Variants in NELL1 observed in about 807,000 individuals in gnomAD.
NELL1 encodes the protein protein kinase C-binding protein NELL1.
A neutral mutation model predicts 107.4 loss-of-function variants in NELL1; 76 were observed. That is an observed-to-expected ratio of 0.71 (90% CI 0.59 to 0.86). NELL1 has a LOEUF of 0.86. NELL1 is among the 40% of genes least tolerant of loss of function. The probability of loss-of-function intolerance (pLI) is 0.00; values close to 1 mark genes in which losing one functional copy is unlikely to be tolerated. For missense variants in NELL1, 1,024 were observed against 1,005.5 expected (o/e 1.02, Z -0.25); for synonymous variants, 353 against 341.2 (o/e 1.03, Z -0.38).
chr11:20,781,414 T>C (rs1186350382), intron 2 of NELL1, among the ~76,000 whole-genome samples: 1 of 152,128 alleles, frequency 6.6e-6, no homozygotes, highest in Non-Finnish European at 1.5e-5. Flanking sequence ...AGGTTAGGGC[T>C]GCAGATATAA....
At chr11:20,906,184 A>G (rs898485726) in intron 5 of NELL1, among the ~76,000 whole-genome samples, 2 of 152,166 alleles carry the variant, frequency 1.3e-5, no homozygotes, top group African/African-American at 4.8e-5. Context: ...AAAGGATTAA[A>G]ATAGAAGACT....
At chr11:20,862,293 T>G (rs1161853780) in intron 4 of NELL1, among the ~76,000 whole-genome samples, 2 of 152,030 alleles carry the variant, frequency 1.3e-5, no homozygotes, top group African/African-American at 4.8e-5. Flanking sequence ...AGAGTCATTT[T>G]TTTTTAAGCA....
chr11:20,883,308 C>T (rs983811018), intron 4 of NELL1, among the ~76,000 whole-genome samples: 6 of 152,262 alleles, frequency 3.9e-5, no homozygotes, highest in South Asian at 2.1e-4. Context: ...CTAAGGCACA[C>T]GGAGCTATTA....
intron 12 of NELL1, among the ~76,000 whole-genome samples, chr11:20,975,050 C>A (rs369014675): frequency 2.6e-5 from 4 of 152,116 alleles, no homozygotes; most frequent in Non-Finnish European, 5.9e-5. Flanking sequence ...TGCTCTGTCA[C>A]TCATGCTGGA....
intron 15 of NELL1, among the ~76,000 whole-genome samples, chr11:21,446,033 A>AT (rs910589515): frequency 3.3e-5 from 5 of 150,268 alleles, no homozygotes; most frequent in African/African-American, 1.2e-4. Context: ...TTTCTTTTTA[A>AT]TTTTTTTTCT....
intron 12 of NELL1, among the ~76,000 whole-genome samples, chr11:20,992,698 G>A (rs1272780885): frequency 1.4e-5 from 2 of 147,178 alleles, no homozygotes; most frequent in African/African-American, 2.5e-5. Flanking sequence ...ACTTCCCTAG[G>A]CAAAAGTGGC....
intron 15 of NELL1, among the ~76,000 whole-genome samples, chr11:21,496,487 G>A (rs2133924640): frequency 6.9e-6 from 1 of 144,218 alleles, no homozygotes; most frequent in Non-Finnish European, 1.5e-5. Flanking sequence ...TCAGCTCATT[G>A]CAACCTTCGC....
At chr11:21,020,518 T>A (rs1316068359) in intron 12 of NELL1, among the ~76,000 whole-genome samples, 1 of 152,108 alleles carries the variant, frequency 6.6e-6, no homozygotes, top group Non-Finnish European at 1.5e-5. Flanking sequence ...TTTTCTTTTT[T>A]TGGAAGGTTA....
intron 14 of NELL1, among the ~76,000 whole-genome samples, chr11:21,274,164 C>T (rs187356826): frequency 9.9e-4 from 150 of 152,214 alleles, no homozygotes; most frequent in African/African-American, 2.6e-3. Context: ...ACCCATCTCA[C>T]GTGCAGAGAC....
intron 12 of NELL1, among the ~76,000 whole-genome samples, chr11:21,024,558 C>T (rs1296237454): frequency 1.3e-5 from 2 of 152,088 alleles, no homozygotes; most frequent in African/African-American, 4.8e-5. Flanking sequence ...TGAGGAGTAA[C>T]TGGATATAAA....
intron 15 of NELL1, among the ~76,000 whole-genome samples, chr11:21,493,948 A>T (rs1854905189): frequency 6.6e-6 from 1 of 151,950 alleles, no homozygotes; most frequent in African/African-American, 2.4e-5. Flanking sequence ...TTCCCTTATT[A>T]ATAGGCATTC....
chr11:21,434,330 C>T (rs560808884), intron 15 of NELL1, among the ~76,000 whole-genome samples: 35 of 152,214 alleles, frequency 2.3e-4, no homozygotes, highest in African/African-American at 8.2e-4. Context: ...TCAGGTTTTA[C>T]ATTTAAGTCT....
chr11:20,970,555 A>G (rs1851478156), intron 12 of NELL1, among the ~76,000 whole-genome samples: 1 of 152,198 alleles, frequency 6.6e-6, no homozygotes, highest in Non-Finnish European at 1.5e-5. Context: ...TGCCAATAGG[A>G]GTCAGCACAG....
intron 12 of NELL1, among the ~76,000 whole-genome samples, chr11:21,024,821 T>G (rs1441016273): frequency 6.6e-6 from 1 of 152,166 alleles, no homozygotes; most frequent in Non-Finnish European, 1.5e-5. Context: ...ATGTACATTA[T>G]GGTTCATTGC....
intron 12 of NELL1, among the ~76,000 whole-genome samples, chr11:20,965,813 C>T (rs889852211): frequency 3.9e-5 from 6 of 152,026 alleles, no homozygotes; most frequent in Admixed American, 6.6e-5. Flanking sequence ...TCAAACAGAA[C>T]GCAGCCCACA....
At chr11:21,278,287 AG>A in intron 14 of NELL1, among the ~76,000 whole-genome samples, 1 of 152,304 alleles carries the variant, frequency 6.6e-6, no homozygotes, top group Middle Eastern at 3.4e-3. Flanking sequence ...TCTAAATCAT[AG>A]CTAATGTATT....
chr11:21,253,822 G>C (rs898194248), intron 14 of NELL1, among the ~76,000 whole-genome samples: 1 of 152,116 alleles, frequency 6.6e-6, no homozygotes, highest in Admixed American at 6.6e-5. Context: ...CCATTGAAGA[G>C]ATTATAATTT....
intron 12 of NELL1, among the ~76,000 whole-genome samples, chr11:21,105,864 CCCTCCCCTTCCT>C (rs1854950746): frequency 2.5e-4 from 3 of 11,974 alleles, no homozygotes; most frequent in Non-Finnish European, 3.1e-4. Flanking sequence ...TCTCCCCTCC[CCCTCCCCTTCCT>C]CTCTCCTCTC....
chr11:21,346,723 G>C (rs926009094), intron 14 of NELL1, among the ~76,000 whole-genome samples: 2 of 150,072 alleles, frequency 1.3e-5, no homozygotes, highest in African/African-American at 4.9e-5. Context: ...ATGAAGCATA[G>C]ATGCTTAACA....
Sources: gnomAD v4.1 joint callset for allele counts (sites outside exome capture counted in the v4.1 genomes callset) on GRCh38, gnomAD v4.1.1 for gene constraint, MANE v1.5 for transcripts, NCBI Gene and HGNC (gene_info 2026-07-23, HGNC 2026-07-21) for gene names.